Variants in AFG2A observed in about 807,000 individuals in gnomAD.
AFG2A encodes the protein ATPase family gene 2 protein homolog A.
the AFG2A span, among the ~76,000 whole-genome samples, chr4:123,181,047 C>T: frequency 2.0e-5 from 3 of 148,656 alleles, no homozygotes; most frequent in South Asian, 2.1e-4. Flanking sequence ...TGCAGTGGCG[C>T]GATCTCGGCT....
At chr4:123,117,588 C>T in the AFG2A span, among the ~76,000 whole-genome samples, 1 of 151,430 alleles carries the variant, frequency 6.6e-6, no homozygotes, top group South Asian at 2.1e-4. Context: ...CTTATTCCCA[C>T]TCTTAAAAAT....
At chr4:122,935,674 T>A in the AFG2A span, 1 of 1,512,064 alleles carries the variant, frequency 6.6e-7, no homozygotes, top group South Asian at 1.4e-5. Flanking sequence ...ATAAGAAACC[T>A]AGTAATGGTG....
At chr4:123,219,605 A>G in the AFG2A span, among the ~76,000 whole-genome samples, 2 of 152,226 alleles carry the variant, frequency 1.3e-5, no homozygotes, top group African/African-American at 2.4e-5. Context: ...ATTCCTGTGA[A>G]TAATATGTGT....
At chr4:123,283,100 G>A in the AFG2A span, among the ~76,000 whole-genome samples, 2 of 152,090 alleles carry the variant, frequency 1.3e-5, no homozygotes, top group Non-Finnish European at 2.9e-5. Context: ...GTTCCACCAA[G>A]AAGTCTTTCT....
the AFG2A span, among the ~76,000 whole-genome samples, chr4:123,250,714 T>C: frequency 2.0e-5 from 3 of 152,166 alleles, no homozygotes; most frequent in Non-Finnish European, 4.4e-5. Flanking sequence ...TGATTTGTGT[T>C]TTTTAATAAA....
chr4:123,211,194 A>G, the AFG2A span, among the ~76,000 whole-genome samples: 2 of 152,168 alleles, frequency 1.3e-5, no homozygotes. Context: ...CTAGTCTCCG[A>G]AGACCATCTT....
the AFG2A span, among the ~76,000 whole-genome samples, chr4:122,983,731 T>C: frequency 6.6e-6 from 1 of 152,218 alleles, no homozygotes; most frequent in Non-Finnish European, 1.5e-5. Flanking sequence ...AGATATGATC[T>C]ATCCTTCAGA....
chr4:122,934,402 G>T, the AFG2A span: 7 of 1,614,096 alleles, frequency 4.3e-6, no homozygotes, highest in Non-Finnish European at 5.9e-6. Flanking sequence ...TTTGCTGGAT[G>T]TTACACAGAG....
At chr4:123,138,691 GAAAA>G in the AFG2A span, among the ~76,000 whole-genome samples, 6 of 150,692 alleles carry the variant, frequency 4.0e-5, no homozygotes, top group Admixed American at 6.6e-5. Context: ...TTAACATTTG[GAAAA>G]AAAATAAATA....
the AFG2A span, among the ~76,000 whole-genome samples, chr4:123,262,281 G>T: frequency 2.6e-5 from 4 of 152,306 alleles, no homozygotes; most frequent in South Asian, 6.2e-4. Context: ...AACATTTGCT[G>T]AAGTGGCACT....
chr4:123,075,959 A>C, the AFG2A span, among the ~76,000 whole-genome samples: 1 of 134,452 alleles, frequency 7.4e-6, no homozygotes, highest in East Asian at 2.3e-4. Context: ...CTCCATCTCT[A>C]AAAACAACAA....
chr4:123,017,291 T>C, the AFG2A span, among the ~76,000 whole-genome samples: 1 of 149,982 alleles, frequency 6.7e-6, no homozygotes, highest in African/African-American at 2.5e-5. Flanking sequence ...GACATTTTTC[T>C]TTTTAATCAA....
chr4:123,113,882 T>A, the AFG2A span, among the ~76,000 whole-genome samples: 2 of 152,098 alleles, frequency 1.3e-5, no homozygotes, highest in African/African-American at 4.8e-5. Context: ...TGTAGGCAGG[T>A]CATCTCGTTG....
At chr4:123,281,118 A>G in the AFG2A span, among the ~76,000 whole-genome samples, 1 of 152,118 alleles carries the variant, frequency 6.6e-6, no homozygotes, top group African/African-American at 2.4e-5. Flanking sequence ...TTAAATTGAT[A>G]TAGTTGAAAC....
the AFG2A span, among the ~76,000 whole-genome samples, chr4:122,978,671 C>T: frequency 6.6e-6 from 1 of 152,166 alleles, no homozygotes; most frequent in South Asian, 2.1e-4. Context: ...TGGGGCTGTT[C>T]ATGCTGAGGG....
chr4:122,955,703 C>T, the AFG2A span, among the ~76,000 whole-genome samples: 6 of 152,192 alleles, frequency 3.9e-5, no homozygotes, highest in African/African-American at 1.2e-4. Flanking sequence ...TGGAGAAAAT[C>T]GTTTTTCTTT....
chr4:122,958,960 C>G, the AFG2A span, among the ~76,000 whole-genome samples: 2 of 152,180 alleles, frequency 1.3e-5, no homozygotes, highest in African/African-American at 4.8e-5. Context: ...CTGATTTAGG[C>G]AAGTGGTTCT....
the AFG2A span, among the ~76,000 whole-genome samples, chr4:123,153,120 C>G: frequency 6.6e-6 from 1 of 152,186 alleles, no homozygotes; most frequent in Non-Finnish European, 1.5e-5. Context: ...CTAGCTTCCT[C>G]TTTTAGGTGG....
chr4:122,998,588 T>C, the AFG2A span, among the ~76,000 whole-genome samples: 2 of 152,146 alleles, frequency 1.3e-5, no homozygotes, highest in Admixed American at 6.5e-5. Flanking sequence ...TGTGATAGTT[T>C]ACTGAGAATG....
Sources: gnomAD v4.1 joint callset for allele counts (sites outside exome capture counted in the v4.1 genomes callset) on GRCh38, gnomAD v4.1.1 for gene constraint, MANE v1.5 for transcripts, NCBI Gene and HGNC (gene_info 2026-07-23, HGNC 2026-07-21) for gene names.